Variants in PATJ observed in about 807,000 individuals in gnomAD.
PATJ encodes the protein inaD-like protein.
PATJ carries 190 observed loss-of-function variants against 224.9 expected under a neutral mutation model. The observed-to-expected ratio is 0.84, with a 90% CI of 0.75 to 0.95. The LOEUF is 0.95. Among genes scored for constraint, PATJ ranks in the 40% least tolerant of loss-of-function variants. The pLI, the probability that PATJ is intolerant of heterozygous loss-of-function variation, is 0.00. For synonymous variants in PATJ, 769 were observed against 820.3 expected (o/e 0.94, Z 1.07); for missense variants, 2,121 against 2,270.3 (o/e 0.93, Z 1.34).
At chr1:61,875,059 C>T (rs1239688962) in intron 20 of PATJ, among the ~76,000 whole-genome samples, 184 bp from the exon 21 acceptor site, 1 of 152,172 alleles carries the variant, frequency 6.6e-6, no homozygotes, top group East Asian at 1.9e-4. Flanking sequence ...ATTTTGTTAG[C>T]CTATACTCTT....
At chr1:62,017,518 G>A (rs1558045800) in intron 28 of PATJ, among the ~76,000 whole-genome samples, 1 of 151,684 alleles carries the variant, frequency 6.6e-6, no homozygotes, top group Admixed American at 6.6e-5. Context: ...GTGGCCAAGA[G>A]TTTAAGACCA....
At chr1:61,765,065 C>CTTTTTTTT (rs1491546787) in intron 3 of PATJ, among the ~76,000 whole-genome samples, 13 of 17,006 alleles carry the variant, frequency 7.6e-4, no homozygotes, top group Admixed American at 1.7e-3. Context: ...TATTGACATT[C>CTTTTTTTT]ATTTTTTTTT....
Position 61,856,148 on chromosome 1 carries a change from G to C in PATJ, c.2231G>C (p.Cys744Ser), listed in dbSNP as rs1663625584. Residue 744 changes from cysteine (C) to serine (S), a missense_variant, in exon 18 of 44, where the codon TGT becomes TCT. Coordinates refer to ENST00000642238, the MANE Select transcript of PATJ (RefSeq NM_001350145.3). ...CGCCTGGTCTCAGTCAATGAATACTGTTTGGACAACACCTCACTTGCTGAA... is the reference window on the plus strand; with the variant it reads ...CGCCTGGTCTCAGTCAATGAATACTCTTTGGACAACACCTCACTTGCTGAA... ...GDRLVSVNEYCLDNTSLAEAV... is the reference protein window; with the variant it reads ...GDRLVSVNEYSLDNTSLAEAV... The C allele has an allele frequency of 1.2e-6, 2 of 1,614,048 alleles. No homozygotes were observed. Among genetic ancestry groups the C allele is most frequent in the Non-Finnish European group, 1.7e-6 (2 of 1,180,000 alleles).
chr1:62,054,562 A>T (rs1057238509), intron 31 of PATJ, among the ~76,000 whole-genome samples: 2 of 152,138 alleles, frequency 1.3e-5, no homozygotes, highest in African/African-American at 4.8e-5. Context: ...ACTTTTTTGT[A>T]GATCAGTTGA....
At chr1:61,760,147 T>G (rs1311607029) in intron 1 of PATJ, among the ~76,000 whole-genome samples, 1 of 152,242 alleles carries the variant, frequency 6.6e-6, no homozygotes, top group Admixed American at 6.5e-5. Flanking sequence ...ACTGGGTAGT[T>G]GTAAGAGTTG....
chr1:61,861,294 T>A (rs891943705), intron 18 of PATJ, among the ~76,000 whole-genome samples: 1 of 142,122 alleles, frequency 7.0e-6, no homozygotes, highest in Non-Finnish European at 1.5e-5. Flanking sequence ...CTTTTTTTTT[T>A]TTTTTTTTTT....
intron 37 of PATJ, among the ~76,000 whole-genome samples, chr1:62,119,198 A>T: frequency 6.6e-6 from 1 of 152,208 alleles, no homozygotes; most frequent in East Asian, 1.9e-4. Context: ...GCTTAAAATT[A>T]TGGGTGAGAT....
chr1:61,857,669 CT>C (rs555903598), intron 18 of PATJ, among the ~76,000 whole-genome samples: 2 of 152,192 alleles, frequency 1.3e-5, no homozygotes, highest in Non-Finnish European at 2.9e-5. Flanking sequence ...TAAGAATCAC[CT>C]GAGAGGTAGT....
chr1:61,924,427 C>G (rs562320595), intron 26 of PATJ, among the ~76,000 whole-genome samples: 1 of 152,228 alleles, frequency 6.6e-6, no homozygotes, highest in East Asian at 1.9e-4. Context: ...TGGCTATTTT[C>G]TAAGGTTTTC....
chr1:61,994,870 AAGCAT>A (rs1645266590), intron 28 of PATJ, among the ~76,000 whole-genome samples: 1 of 152,172 alleles, frequency 6.6e-6, no homozygotes, highest in Non-Finnish European at 1.5e-5. Flanking sequence ...CAGGATTCTT[AAGCAT>A]TTATAACCCA....
chr1:61,855,344 A>G (rs1663483409), intron 17 of PATJ, among the ~76,000 whole-genome samples: 1 of 152,192 alleles, frequency 6.6e-6, no homozygotes, highest in African/African-American at 2.4e-5. Flanking sequence ...CAGACATGCC[A>G]CTGAAATTGT....
intron 26 of PATJ, among the ~76,000 whole-genome samples, chr1:61,925,826 T>A (rs1373848131): frequency 6.6e-6 from 1 of 152,204 alleles, no homozygotes; most frequent in Non-Finnish European, 1.5e-5. Context: ...AGTGAAGTGC[T>A]ATTGAAGAGA....
intron 3 of PATJ, among the ~76,000 whole-genome samples, chr1:61,764,650 G>C (rs1055090619): frequency 5.3e-5 from 8 of 151,982 alleles, no homozygotes; most frequent in Non-Finnish European, 7.4e-5. Context: ...GGGAAAAAAT[G>C]GTTTTTGCTG....
chr1:61,980,400 T>C (rs1252658807), intron 27 of PATJ, among the ~76,000 whole-genome samples: 1 of 151,926 alleles, frequency 6.6e-6, no homozygotes, highest in African/African-American at 2.4e-5. Context: ...TATAACACTT[T>C]TGATATTTTG....
intron 27 of PATJ, among the ~76,000 whole-genome samples, chr1:61,968,729 G>A (rs928569840): frequency 5.3e-5 from 8 of 151,784 alleles, no homozygotes; most frequent in African/African-American, 1.9e-4. Flanking sequence ...CCCACGACAG[G>A]CCCCCGTGTG....
chr1:61,814,519 A>AGTGT (rs67159092), intron 14 of PATJ, among the ~76,000 whole-genome samples: 8,425 of 143,972 alleles, frequency 0.059, 307 homozygotes, highest in African/African-American at 0.09. Context: ...CCTTTTGTTT[A>AGTGT]GTGTGTGTGT....
chr1:61,847,632 A>G (rs1483639886), intron 17 of PATJ, among the ~76,000 whole-genome samples: 2 of 152,220 alleles, frequency 1.3e-5, no homozygotes, highest in African/African-American at 2.4e-5. Context: ...ATGGAGTTAG[A>G]TGTTAGATAA....
At chr1:62,028,852 G>A (rs758903614) in intron 29 of PATJ, among the ~76,000 whole-genome samples, 1 of 152,136 alleles carries the variant, frequency 6.6e-6, no homozygotes, top group Non-Finnish European at 1.5e-5. Flanking sequence ...TATTCAGAAG[G>A]CTGAGGTGGG....
intron 41 of PATJ, among the ~76,000 whole-genome samples, chr1:62,130,507 A>G (rs921308085): frequency 4.0e-5 from 6 of 151,868 alleles, no homozygotes; most frequent in Non-Finnish European, 8.8e-5. Context: ...ATCTCTACAA[A>G]AAAAATAAAA....
Sources: gnomAD v4.1 joint callset for allele counts (sites outside exome capture counted in the v4.1 genomes callset) on GRCh38, gnomAD v4.1.1 for gene constraint, MANE v1.5 for transcripts, NCBI Gene and HGNC (gene_info 2026-07-23, HGNC 2026-07-21) for gene names.